NECTIN1: variants seen among roughly 807,000 people sequenced by gnomAD.
The protein encoded by NECTIN1 is nectin-1.
In NECTIN1, 23 loss-of-function variants were observed where a neutral mutation model predicts 48.0. The ratio of observed to expected loss-of-function variants is 0.48; its 90% confidence interval spans 0.34 to 0.68. NECTIN1 has a LOEUF of 0.68. NECTIN1 is among the 30% of genes least tolerant of loss of function. The pLI, the probability that NECTIN1 is intolerant of heterozygous loss-of-function variation, is 0.01. For synonymous variants in NECTIN1, 270 were observed against 288.9 expected, an observed-to-expected ratio of 0.93 and a Z score of 0.66; for missense variants, 591 against 709.9, an observed-to-expected ratio of 0.83 and a Z score of 1.90.
At chr11:119,725,193 C>T (rs1865890987) in intron 1 of NECTIN1, among the ~76,000 whole-genome samples, 1 of 152,178 alleles carries the variant, frequency 6.6e-6, no homozygotes. Context: ...GCTCAGTCAT[C>T]AGCACTAGGG....
chr11:119,677,131 G>A lies in NECTIN1; in HGVS notation c.822C>T (p.Asn274=). Residue 274 remains asparagine (N), a synonymous_variant, in exon 4 of 6, where the codon AAC becomes AAT. Coordinates refer to ENST00000264025, the MANE Select transcript of NECTIN1 (RefSeq NM_002855.5). This position sits in a 1 kb window ranked among gnomAD's most constrained non-coding sequence, Gnocchi z 5.4. ...TCCAGTGGTACTCAGTGGCTGGGGGGTTAGCATCAGCTTTGCAGGTGAGCT... is the reference window on the plus strand; with the variant it reads ...TCCAGTGGTACTCAGTGGCTGGGGGATTAGCATCAGCTTTGCAGGTGAGCT... ...DVKLTCKADA[N]PPATEYHWTT... is the part of the protein sequence containing the mutation. 1.9e-6 allele frequency: 3 copies of A among 1,614,154 alleles called. No homozygotes were observed. Among genetic ancestry groups the A allele is most frequent in the Middle Eastern group, 1.6e-4 (1 of 6,062 alleles).
At chr11:119,706,337 A>G (rs1367829026) in intron 1 of NECTIN1, among the ~76,000 whole-genome samples, 2 of 152,218 alleles carry the variant, frequency 1.3e-5, no homozygotes, top group Middle Eastern at 3.2e-3. Flanking sequence ...CTCCTTGGGA[A>G]CTGGATCCCA....
At chr11:119,725,661 C>T (rs574211403) in intron 1 of NECTIN1, among the ~76,000 whole-genome samples, 1 of 152,354 alleles carries the variant, frequency 6.6e-6, no homozygotes, top group African/African-American at 2.4e-5. Context: ...AGCCCCGACA[C>T]TTGGAATTTC....
At chr11:119,657,864 T>C (rs1234740411), downstream of NECTIN1, among the ~76,000 whole-genome samples, 1 of 136,178 alleles carries the variant, frequency 7.3e-6, no homozygotes, top group Admixed American at 8.6e-5. Context: ...GAGGCTGCAG[T>C]GAGCTGTGAT....
chr11:119,695,298 C>G (rs1865324176), intron 1 of NECTIN1, among the ~76,000 whole-genome samples: 1 of 151,792 alleles, frequency 6.6e-6, no homozygotes, highest in African/African-American at 2.4e-5. Context: ...TCTCCCACCC[C>G]TCCCAGGTCC....
At position 119,678,819 on chromosome 11, in the gene NECTIN1, C is replaced by T. The variant is rs1196033093; in HGVS notation, c.80-54G>A. 10 of 1,221,700 alleles carry T rather than the reference C, an allele frequency of 8.2e-6. No individual in the cohort carries two copies. The highest frequency in any genetic ancestry group is 1.2e-5 in the Non-Finnish European group (10 of 844,770). The allele number at this position is 1,221,700 out of a possible 1,614,324, so 75.7% of individuals were successfully genotyped here. Reference sequence around the variant, plus strand: ...AGTGTCAGGCACAGCCTCCCCCCACCCACACAGTTCCCTGTGCTCTGGCCT... The same window carrying T: ...AGTGTCAGGCACAGCCTCCCCCCACTCACACAGTTCCCTGTGCTCTGGCCT... On this transcript the variant is annotated intron_variant, in intron 1 of 5. Coordinates refer to ENST00000264025, the MANE Select transcript of NECTIN1 (RefSeq NM_002855.5). This position sits in a 1 kb window ranked among gnomAD's most constrained non-coding sequence, Gnocchi z 4.4.
At chr11:119,694,930 C>T (rs1009063620) in intron 1 of NECTIN1, among the ~76,000 whole-genome samples, 4 of 151,942 alleles carry the variant, frequency 2.6e-5, no homozygotes, top group Non-Finnish European at 5.9e-5. Flanking sequence ...AGCCCCTTGA[C>T]TCTCCTTCTG....
intron 1 of NECTIN1, among the ~76,000 whole-genome samples, chr11:119,726,822 C>T (rs1865914791): frequency 6.6e-6 from 1 of 152,132 alleles, no homozygotes; most frequent in Admixed American, 6.5e-5. Context: ...CTCTGGGTTC[C>T]GGATGTGGAC....
chr11:119,642,245 C>A (rs1864337420), intron 5 of NECTIN1: 1 of 152,240 alleles, frequency 6.6e-6, no homozygotes, highest in African/African-American at 2.4e-5. Context: ...CCAGCCACCA[C>A]CACGCTGGAT....
chr11:119,653,700 TAAC>T (rs149128684), intron 5 of NECTIN1, among the ~76,000 whole-genome samples: 3 of 152,242 alleles, frequency 2.0e-5, no homozygotes, highest in Non-Finnish European at 4.4e-5. Context: ...GTGGTGAAAA[TAAC>T]AATAAGTAAG....
intron 5 of NECTIN1, among the ~76,000 whole-genome samples, chr11:119,668,641 C>G (rs774334878): frequency 6.6e-6 from 1 of 152,226 alleles, no homozygotes; most frequent in Non-Finnish European, 1.5e-5. Flanking sequence ...TTACCGTGAT[C>G]TTTTTCTCTT....
chr11:119,641,871 C>A (rs1475362261), intron 5 of NECTIN1: 2 of 151,570 alleles, frequency 1.3e-5, no homozygotes, highest in Non-Finnish European at 1.5e-5. Context: ...TACAGGGACC[C>A]GCCACCAGGC....
chr11:119,659,801 C>T (rs1324993958), downstream of NECTIN1, among the ~76,000 whole-genome samples: 4 of 152,328 alleles, frequency 2.6e-5, no homozygotes, highest in Admixed American at 6.5e-5. Flanking sequence ...CCAATTAGGA[C>T]GTTCTGTCCA....
chr11:119,643,357 G>A (rs1455140696), intron 5 of NECTIN1, among the ~76,000 whole-genome samples: 4 of 152,216 alleles, frequency 2.6e-5, no homozygotes, highest in African/African-American at 9.7e-5. Context: ...TCCTCGTATT[G>A]AGCCTGCAAA....
In NECTIN1 at chr11:119,663,950, ATG is replaced by A. The variant is rs140265587; in HGVS notation, c.*795_*796del. On this transcript the variant is annotated 3_prime_UTR_variant, in exon 6 of 6. Coordinates refer to ENST00000264025, the MANE Select transcript of NECTIN1 (RefSeq NM_002855.5). ...GCAGGCAGAGAGGAGCAGTGTGTGCATGTGTGTGTGTGTGCACGTGTCAGCAG... is the reference window on the plus strand; with the variant it reads ...GCAGGCAGAGAGGAGCAGTGTGTGCATGTGTGTGTGTGCACGTGTCAGCAG... 16 of 982,164 alleles carry A rather than the reference ATG, an allele frequency of 1.6e-5. No individual in the cohort carries two copies. The highest frequency in any genetic ancestry group is 5.2e-4 in the Middle Eastern group (1 of 1,912). The allele number at this position is 982,164 out of a possible 1,614,324, so 60.8% of individuals were successfully genotyped here. A position where few individuals can be genotyped will look rare whatever the true frequency, so the allele number is the denominator to read the frequency against.
intron 1 of NECTIN1, among the ~76,000 whole-genome samples, chr11:119,703,295 C>T (rs771376213): frequency 1.2e-4 from 18 of 152,246 alleles, no homozygotes; most frequent in Non-Finnish European, 2.2e-4. Context: ...CTGTGTCCCA[C>T]GTGCTGGAGG....
chr11:119,669,284 T>G (rs568722107), intron 5 of NECTIN1, among the ~76,000 whole-genome samples: 1 of 152,156 alleles, frequency 6.6e-6, no homozygotes, highest in African/African-American at 2.4e-5. Flanking sequence ...TAGTGATGGG[T>G]GCCTGTAATC....
chr11:119,660,401 G>T (rs975767761), downstream of NECTIN1, among the ~76,000 whole-genome samples: 1 of 149,808 alleles, frequency 6.7e-6, no homozygotes, highest in South Asian at 2.1e-4. Flanking sequence ...GGAGAAAAAT[G>T]GGGGGGTACA....
intron 1 of NECTIN1, among the ~76,000 whole-genome samples, chr11:119,724,851 G>A (rs1865886135): frequency 6.6e-6 from 1 of 152,198 alleles, no homozygotes; most frequent in Non-Finnish European, 1.5e-5. Flanking sequence ...TGTCAGAAAT[G>A]TCACAGCTTA....
Sources: gnomAD v4.1 joint callset for allele counts (sites outside exome capture counted in the v4.1 genomes callset) on GRCh38, gnomAD v4.1.1 for gene constraint, Gnocchi (gnomAD v3.1) non-coding constraint, MANE v1.5 for transcripts, NCBI Gene and HGNC (gene_info 2026-07-23, HGNC 2026-07-21) for gene names.